Variants in ECT2L observed in about 807,000 individuals in gnomAD.
ECT2L encodes the protein epithelial cell transforming 2 like.
In ECT2L, 126 loss-of-function variants were observed where a neutral mutation model predicts 122.8. That is an observed-to-expected ratio of 1.03 (90% CI 0.89 to 1.19). The LOEUF (loss-of-function observed/expected upper bound fraction) is 1.19. Ranked by LOEUF, ECT2L falls within the 50% of genes most tolerant of loss-of-function variation. The pLI is 0.00. For synonymous variants in ECT2L, 385 were observed against 381.8 expected, an observed-to-expected ratio of 1.01 and a Z score of -0.10; for missense variants, 1,012 against 1,064.1, an observed-to-expected ratio of 0.95 and a Z score of 0.68.
chr6:138,894,094 G>T (rs1779131271), intron 20 of ECT2L, among the ~76,000 whole-genome samples: 1 of 152,036 alleles, frequency 6.6e-6, no homozygotes, highest in Admixed American at 6.5e-5. Flanking sequence ...GTCTCACTCT[G>T]TTGCCAGGCT....
Position 138,845,396 on chromosome 6 carries a change from C to A in ECT2L, c.764+816C>A, listed in dbSNP as rs376226782. Among the ~76,000 whole-genome samples, 8 of 152,258 alleles carry A rather than the reference C, an allele frequency of 5.3e-5. No individual in the cohort carries two copies. The East Asian group carries it at 1.2e-3, about 22-fold the overall frequency. ...CAGGTGGGACTATAGGTGCGCACTA[C>A]CATGCCCAGCTAATTTTTGTATTTT... On this transcript the variant is annotated intron_variant, in intron 7 of 21. Transcript: ENST00000541398.
chr6:138,868,098 T>C lies in ECT2L; in HGVS notation c.1475-5T>C. ...ATTACAGGGCATGTGGCCTTGTATT[T>C]ACAGGGCAGTTTATGTTTGACACCA... On this transcript the variant is annotated splice_region_variant and splice_polypyrimidine_tract_variant and intron_variant, in intron 12 of 21. Transcript: ENST00000541398. The C allele has an allele frequency of 6.2e-7, 1 of 1,602,582 alleles. No homozygotes were observed. Among genetic ancestry groups the C allele is most frequent in the Non-Finnish European group, 8.5e-7 (1 of 1,174,310 alleles).
At chr6:138,881,300 C>T (rs932612589) in intron 15 of ECT2L, 129 bp downstream of exon 15, 63 of 897,222 alleles carry the variant, frequency 7.0e-5, no homozygotes, top group Admixed American at 1.9e-4. Flanking sequence ...ATTATAGCAG[C>T]GAGATCCTCA....
chr6:138,823,588 T>C lies in ECT2L; in HGVS notation c.179+8985T>C, dbSNP rs1313925075. 1.5e-5 allele frequency: 22 copies of C among 1,432,166 alleles called. 3 individuals are homozygous for C. Among genetic ancestry groups the C allele is most frequent in the Non-Finnish European group, 2.1e-5 (22 of 1,055,348 alleles). 88.7% of individuals were successfully genotyped at this position (1,432,166 alleles called of 1,614,324 possible). On this transcript the variant is annotated intron_variant, in intron 4 of 21. Coordinates refer to ENST00000541398, the MANE Select transcript of ECT2L (RefSeq NM_001077706.3). ...ACCAGCTGCAACATGAGCAAACGCA[T>C]GGACATCGCCATCCAAGTCACAGAA...
chr6:138,881,117 C>T lies in ECT2L; in HGVS notation c.1826C>T (p.Ala609Val). 6.2e-7 allele frequency: 1 copy of T among 1,614,174 alleles called. No individual in the cohort carries two copies. The highest frequency in any genetic ancestry group is 8.5e-7 in the Non-Finnish European group (1 of 1,180,020). Residue 609 changes from alanine to valine, a missense_variant, in exon 15 of 22, where the codon GCT (alanine) becomes GTT (valine). Coordinates refer to ENST00000541398, the MANE Select transcript of ECT2L (RefSeq NM_001077706.3). ...TCATCAAACAGAGCGATTCTGAGTG[C>T]TGCCAATATCCAGATCATTTTCTGT... ...ALSSNRAILS[A>V]ANIQIIFCDI...
At chr6:138,799,563 T>C (rs940704231) in intron 1 of ECT2L, among the ~76,000 whole-genome samples, 1 of 151,852 alleles carries the variant, frequency 6.6e-6, no homozygotes, top group Non-Finnish European at 1.5e-5. Context: ...CCTCTTTTCT[T>C]TTTTTTTGAG....
At chr6:138,862,820 C>T in intron 11 of ECT2L, 101 bp downstream of exon 11, 2 of 895,064 alleles carry the variant, frequency 2.2e-6, no homozygotes, top group Non-Finnish European at 1.8e-6. Context: ...TGGCTGATAT[C>T]CATTACTCTC....
chr6:138,801,065 A>T (rs962056657), intron 1 of ECT2L, among the ~76,000 whole-genome samples: 5 of 152,146 alleles, frequency 3.3e-5, no homozygotes, highest in African/African-American at 1.2e-4. Flanking sequence ...AGCCCTCATG[A>T]CCTATCTCTT....
chr6:138,874,962 C>T (rs978634212), intron 13 of ECT2L, among the ~76,000 whole-genome samples: 5 of 152,138 alleles, frequency 3.3e-5, no homozygotes, highest in Non-Finnish European at 5.9e-5. Context: ...GTGGCACATG[C>T]CTGTAGTCCC....
intron 6 of ECT2L, among the ~76,000 whole-genome samples, chr6:138,843,761 C>T (rs1777124948): frequency 6.6e-6 from 1 of 152,198 alleles, no homozygotes; most frequent in South Asian, 2.1e-4. Context: ...TGATCTCTGG[C>T]TCACTGCAGC....
intron 10 of ECT2L, 104 bp downstream of exon 10, chr6:138,854,258 C>T: frequency 7.5e-7 from 1 of 1,331,288 alleles, no homozygotes; most frequent in South Asian, 1.8e-5. Context: ...AGTCACATTT[C>T]ACGCTTCAAT....
chr6:138,826,874 T>C (rs1776470772), intron 4 of ECT2L, among the ~76,000 whole-genome samples: 1 of 151,984 alleles, frequency 6.6e-6, no homozygotes, highest in South Asian at 2.1e-4. Context: ...CCTCCACCCA[T>C]CCCCCACTGT....
intron 12 of ECT2L, among the ~76,000 whole-genome samples, chr6:138,867,760 C>T (rs1017939582): frequency 2.6e-5 from 4 of 151,636 alleles, no homozygotes; most frequent in South Asian, 2.1e-4. Context: ...ACCCAGGAGG[C>T]GGAGGTTGCA....
Position 138,838,401 on chromosome 6 carries a change from T to A in ECT2L, c.229T>A (p.Phe77Ile). ...SERMQVAKVD[F>I]STVLPRFISL... is the part of the protein sequence containing the mutation. ...AAGGATGCAAGTGGCCAAAGTGGACTTCTCTACAGTGTTACCACGCTTCAT... is the reference window on the plus strand; with the variant it reads ...AAGGATGCAAGTGGCCAAAGTGGACATCTCTACAGTGTTACCACGCTTCAT... The change falls in exon 5 of 22, where the codon TTC (phenylalanine) becomes ATC (isoleucine). Residue 77 changes from phenylalanine to isoleucine, a missense_variant. Coordinates refer to ENST00000541398, the MANE Select transcript of ECT2L (RefSeq NM_001077706.3). 1.2e-6 allele frequency: 2 copies of A among 1,612,042 alleles called. No homozygotes were observed. The highest frequency in any genetic ancestry group is 1.7e-6 in the Non-Finnish European group (2 of 1,179,278).
chr6:138,821,510 G>A (rs1295048461), intron 4 of ECT2L, among the ~76,000 whole-genome samples: 4 of 152,114 alleles, frequency 2.6e-5, no homozygotes, highest in Non-Finnish European at 4.4e-5. Context: ...GCCCACTTCT[G>A]GCCACTTGCT....
chr6:138,835,638 T>G (rs1340668846), intron 4 of ECT2L, among the ~76,000 whole-genome samples: 1 of 152,074 alleles, frequency 6.6e-6, no homozygotes, highest in Non-Finnish European at 1.5e-5. Context: ...GAGAGTAAAT[T>G]ACGAACATGA....
chr6:138,849,242 T>TCTTA, intron 8 of ECT2L, 27 bp from the exon 9 acceptor site: 1 of 1,576,266 alleles, frequency 6.3e-7, no homozygotes, highest in South Asian at 1.2e-5. Flanking sequence ...GGGTCTTGGC[T>TCTTA]CTTACAGCTT....
intron 13 of ECT2L, among the ~76,000 whole-genome samples, chr6:138,875,264 G>A (rs1172074579): frequency 6.6e-6 from 1 of 152,260 alleles, no homozygotes; most frequent in Admixed American, 6.5e-5. Flanking sequence ...CTGGGACTGA[G>A]CTAGCTGGCT....
chr6:138,817,066 A>T (rs1776093329), intron 4 of ECT2L, among the ~76,000 whole-genome samples: 1 of 152,222 alleles, frequency 6.6e-6, no homozygotes, highest in South Asian at 2.1e-4. Context: ...GTCTTTTGTG[A>T]CTGGCTTCTT....
Sources: allele counts gnomAD v4.1 joint callset (sites outside exome capture counted in the v4.1 genomes callset), GRCh38; gene constraint gnomAD v4.1.1; transcripts MANE v1.5; gene names NCBI Gene and HGNC (gene_info 2026-07-23, HGNC 2026-07-21).